BPIFA2: variants seen among roughly 807,000 people sequenced by gnomAD.
The protein encoded by BPIFA2 is BPI fold containing family A member 2.
In BPIFA2, 20 loss-of-function variants were observed where a neutral mutation model predicts 25.7. That is an observed-to-expected ratio of 0.78 (90% CI 0.55 to 1.13). The LOEUF is 1.13. Among genes scored for constraint, BPIFA2 ranks in the 50% most tolerant of loss-of-function variants. The probability of loss-of-function intolerance (pLI) is 0.00; values close to 1 mark genes in which losing one functional copy is unlikely to be tolerated. For synonymous variants in BPIFA2, 126 were observed against 124.3 expected (o/e 1.01, Z -0.09); for missense variants, 300 against 298.1 (o/e 1.01, Z -0.05).
intron 6 of BPIFA2, 132 bp from the exon 7 acceptor site, chr20:33,179,472 A>T (rs552342211): frequency 6.2e-5 from 45 of 724,510 alleles, no homozygotes; most frequent in Non-Finnish European, 1.0e-4. Flanking sequence ...TAAAATCCTA[A>T]GGTTCAAAGA....
intron 4 of BPIFA2, 96 bp downstream of exon 4, chr20:33,174,282 G>C: frequency 9.4e-7 from 1 of 1,067,582 alleles, no homozygotes; most frequent in Non-Finnish European, 1.4e-6. Flanking sequence ...CCGCTGCTGG[G>C]TGAACTTGGG....
intron 2 of BPIFA2, 45 bp downstream of exon 2, chr20:33,169,347 C>T (rs1185748933): frequency 1.9e-6 from 3 of 1,590,726 alleles, no homozygotes; most frequent in Non-Finnish European, 2.6e-6. Context: ...AATTAGCCTC[C>T]TAAACACTAT....
intron 6 of BPIFA2, 101 bp downstream of exon 6, chr20:33,178,329 G>A (rs1600603294): frequency 2.2e-6 from 2 of 889,970 alleles, no homozygotes; most frequent in South Asian, 1.8e-5. Flanking sequence ...TCCTTCGGAG[G>A]TGAAAGCTTC....
chr20:33,165,307 T>G (rs1431155885), upstream of BPIFA2, among the ~76,000 whole-genome samples: 1 of 152,230 alleles, frequency 6.6e-6, no homozygotes, highest in Non-Finnish European at 1.5e-5. Context: ...CTTGACTGAT[T>G]TCACAGGCAA....
At chr20:33,166,359 A>G (rs575493568), upstream of BPIFA2, among the ~76,000 whole-genome samples, 3 of 152,304 alleles carry the variant, frequency 2.0e-5, no homozygotes, top group African/African-American at 4.8e-5. Context: ...CAGTAAACCC[A>G]TAGTAAAGTT....
intron 7 of BPIFA2, among the ~76,000 whole-genome samples, chr20:33,180,069 T>G (rs1984221967): frequency 1.3e-5 from 2 of 151,776 alleles, no homozygotes; most frequent in South Asian, 4.2e-4. Flanking sequence ...AAATACAAAA[T>G]TAGCCAGGCG....
upstream of BPIFA2, among the ~76,000 whole-genome samples, chr20:33,164,216 A>C (rs747874158): frequency 6.6e-6 from 1 of 152,186 alleles, no homozygotes. Context: ...ACAATAAATA[A>C]ATGGACAGAT....
At chr20:33,176,727 T>C (rs1024798020) in intron 5 of BPIFA2, among the ~76,000 whole-genome samples, 4 of 152,178 alleles carry the variant, frequency 2.6e-5, no homozygotes, top group Admixed American at 2.0e-4. Context: ...GTGCTCCCCA[T>C]GGTCATGAAG....
intron 4 of BPIFA2, among the ~76,000 whole-genome samples, chr20:33,175,192 A>T (rs1182263474): frequency 7.9e-5 from 12 of 152,212 alleles, no homozygotes; most frequent in African/African-American, 2.9e-4. Flanking sequence ...GTTGTATAAA[A>T]AATTCATATG....
Position 33,175,483 on chromosome 20 carries a change from C to G in BPIFA2, c.487C>G (p.Gln163Glu). 1.2e-6 allele frequency: 2 copies of G among 1,614,106 alleles called. No individual in the cohort carries two copies. The highest frequency in any genetic ancestry group is 1.7e-6 in the Non-Finnish European group (2 of 1,179,972). Residue 163 changes from glutamine (Q) to glutamate (E), a missense_variant, in exon 5 of 9, where the codon CAG becomes GAG. Coordinates refer to ENST00000354932, the MANE Select transcript of BPIFA2 (RefSeq NM_080574.4). ...CGCAGTCACAATTGAAACTGATCCC[C>G]AGACACACCAGCCTGTTGCCGTCCT... is the stretch of plus-strand genomic sequence containing the variant. ...LTAVTIETDP[Q>E]THQPVAVLGE...
At chr20:33,176,860 A>C (rs987757343) in intron 5 of BPIFA2, among the ~76,000 whole-genome samples, 2 of 152,070 alleles carry the variant, frequency 1.3e-5, no homozygotes, top group Non-Finnish European at 2.9e-5. Context: ...TTCCCAGCTT[A>C]AGACCTTTGC....
chr20:33,179,431 GAAA>G (rs397973111), intron 6 of BPIFA2, among the ~76,000 whole-genome samples, 170 bp from the exon 7 acceptor site: 1 of 117,858 alleles, frequency 8.5e-6, no homozygotes, highest in Non-Finnish European at 1.9e-5. Flanking sequence ...TTCTGTCTCA[GAAA>G]AAAAAAAAAA....
At chr20:33,175,792 T>C (rs915752831) in intron 5 of BPIFA2, among the ~76,000 whole-genome samples, 6 of 152,168 alleles carry the variant, frequency 3.9e-5, no homozygotes, top group African/African-American at 7.2e-5. Context: ...TAACTACTCA[T>C]AGGCTTCTGA....
upstream of BPIFA2, among the ~76,000 whole-genome samples, chr20:33,165,582 C>T (rs574071672): frequency 6.6e-6 from 1 of 152,308 alleles, no homozygotes; most frequent in African/African-American, 2.4e-5. Context: ...CTAGCCAGGG[C>T]ACTGAGCCAG....
upstream of BPIFA2, among the ~76,000 whole-genome samples, chr20:33,164,888 C>A (rs896986088): frequency 6.6e-6 from 1 of 152,228 alleles, no homozygotes; most frequent in African/African-American, 2.4e-5. Flanking sequence ...AGGGAACATT[C>A]CATGGGACAG....
rs777647491 is a variant in BPIFA2, at chr20:33,172,960, A to G, written c.186A>G (p.Leu62=). 1.9e-6 allele frequency: 3 copies of G among 1,613,930 alleles called. No individual in the cohort carries two copies. The South Asian group carries it at 3.3e-5, about 18-fold the overall frequency. Residue 62 remains leucine (L), a synonymous_variant, in exon 3 of 9, where the codon CTA becomes CTG. Transcript: ENST00000354932. The stretch of plus-strand genomic sequence containing the variant: ...TCCTTGAGAAACTGAAGGTCGACCT[A>G]GGAGTGCTTCAGAAATCCAGTGCTT... ...KGILEKLKVD[L]GVLQKSSAWQ...
In BPIFA2 at chr20:33,179,700, G is replaced by A. The variant is rs772370949; in HGVS notation, c.709+33G>A. 34 of 1,569,044 alleles carry A rather than the reference G, an allele frequency of 2.2e-5. No homozygotes were observed. The South Asian group carries it at 3.7e-4, about 17-fold the overall frequency. On this transcript the variant is annotated intron_variant, in intron 7 of 8. Transcript: ENST00000354932. ...AATGGGGAAGTGGGGACCTTCTGAG[G>A]CAGGCATGGAGCTCTGTGCCCACCC... is the stretch of plus-strand genomic sequence containing the variant.
intron 3 of BPIFA2, among the ~76,000 whole-genome samples, chr20:33,173,450 T>C (rs959080912): frequency 6.6e-6 from 1 of 152,212 alleles, no homozygotes; most frequent in Non-Finnish European, 1.5e-5. Context: ...ACTGGAGTCT[T>C]CGCCACATAA....
intron 6 of BPIFA2, among the ~76,000 whole-genome samples, chr20:33,178,872 C>T (rs1483234823): frequency 6.6e-6 from 1 of 152,212 alleles, no homozygotes; most frequent in Non-Finnish European, 1.5e-5. Context: ...TCTCAGGCCA[C>T]ACCCCAGACC....
Sources: allele counts gnomAD v4.1 joint callset (sites outside exome capture counted in the v4.1 genomes callset), GRCh38; gene constraint gnomAD v4.1.1; transcripts MANE v1.5; gene names NCBI Gene and HGNC (gene_info 2026-07-23, HGNC 2026-07-21).